THSD7B: variants seen among roughly 807,000 people sequenced by gnomAD.
The protein encoded by THSD7B is thrombospondin type 1 domain containing 7B.
A neutral mutation model predicts 213.6 loss-of-function variants in THSD7B; 138 were observed. The ratio of observed to expected loss-of-function variants is 0.65; its 90% CI spans 0.56 to 0.74. The LOEUF (loss-of-function observed/expected upper bound fraction) is 0.74, where lower values mean the gene tolerates loss of function less well. Ranked by LOEUF, THSD7B falls within the 30% of genes least tolerant of loss-of-function variation. The pLI, the probability that THSD7B is intolerant of heterozygous loss-of-function variation, is 0.00. For missense variants in THSD7B, 1,931 were observed against 1,991.5 expected (o/e 0.97, Z 0.58); for synonymous variants, 742 against 687.0 (o/e 1.08, Z -1.25).
intron 2 of THSD7B, among the ~76,000 whole-genome samples, chr2:137,052,613 C>T (rs2104872912): frequency 6.6e-6 from 1 of 152,048 alleles, no homozygotes; most frequent in Admixed American, 6.5e-5. Flanking sequence ...ATTCTTCTTT[C>T]TTCATGCAAC....
chr2:137,418,347 T>C (rs1686844169), intron 14 of THSD7B, among the ~76,000 whole-genome samples: 2 of 152,304 alleles, frequency 1.3e-5, no homozygotes, highest in African/African-American at 4.8e-5. Context: ...CTCCCGTAGA[T>C]TTTAAAACCT....
At position 136,792,479 on chromosome 2, in the gene THSD7B, A is replaced by G. The variant is rs80134443; in HGVS notation, c.-36+26792A>G. Among the ~76,000 whole-genome samples the G allele has an allele frequency of 4.3e-3, 655 of 152,136 alleles. 2 individuals carry two copies. Among genetic ancestry groups the G allele is most frequent in the Non-Finnish European group, 7.2e-3 (488 of 67,940 alleles). On this transcript the variant is annotated intron_variant, in intron 1 of 27. Transcript: ENST00000409968. ...ACATTTGTCAAAACTCATAAAATGT[A>G]TAACTCCAAGTGTGAACCCTGGTGT...
intron 2 of THSD7B, among the ~76,000 whole-genome samples, chr2:136,942,179 G>A (rs1684839222): frequency 2.0e-5 from 3 of 151,976 alleles, no homozygotes; most frequent in Admixed American, 6.5e-5. Context: ...TTATTTCTGA[G>A]TCCTCTGTTC....
chr2:137,525,217 G>A (rs1225932922), intron 15 of THSD7B, among the ~76,000 whole-genome samples: 1 of 152,130 alleles, frequency 6.6e-6, no homozygotes, highest in East Asian at 1.9e-4. Flanking sequence ...ATCATGGACT[G>A]CTGCAGAAAA....
chr2:137,303,691 T>C (rs1212739597), intron 12 of THSD7B, among the ~76,000 whole-genome samples: 2 of 115,290 alleles, frequency 1.7e-5, no homozygotes, highest in South Asian at 2.8e-4. Context: ...TATTTATATA[T>C]ATTTATATAT....
chr2:137,084,288 G>GA (rs1409227239), intron 3 of THSD7B, among the ~76,000 whole-genome samples: 1 of 152,046 alleles, frequency 6.6e-6, no homozygotes, highest in Non-Finnish European at 1.5e-5. Context: ...AAACTCTCAA[G>GA]AAAAAATATA....
At chr2:136,920,976 GT>G (rs1399878015) in intron 2 of THSD7B, among the ~76,000 whole-genome samples, 1 of 152,098 alleles carries the variant, frequency 6.6e-6, no homozygotes, top group Non-Finnish European at 1.5e-5. Context: ...GCCTGCAGGG[GT>G]TGGGGGCTTC....
chr2:137,182,433 A>G (rs1359272653), intron 7 of THSD7B, among the ~76,000 whole-genome samples: 4 of 151,596 alleles, frequency 2.6e-5, no homozygotes, highest in African/African-American at 9.7e-5. Flanking sequence ...GTGATAGTGT[A>G]TGAAGCTGCC....
intron 2 of THSD7B, among the ~76,000 whole-genome samples, chr2:137,036,327 G>A (rs558466601): frequency 1.1e-4 from 16 of 151,984 alleles, no homozygotes; most frequent in South Asian, 4.2e-4. Flanking sequence ...TAATCTTTTC[G>A]TTACATCTTT....
intron 12 of THSD7B, among the ~76,000 whole-genome samples, chr2:137,331,607 A>G (rs942805362): frequency 3.9e-5 from 6 of 152,148 alleles, no homozygotes; most frequent in South Asian, 4.1e-4. Context: ...CCATGTGCTC[A>G]CACTCCTCAG....
chr2:137,057,806 G>A (rs1687199682), intron 3 of THSD7B, among the ~76,000 whole-genome samples: 1 of 152,158 alleles, frequency 6.6e-6, no homozygotes, highest in Non-Finnish European at 1.5e-5. Flanking sequence ...ACTTGCGCAA[G>A]CAGTAATTAG....
intron 2 of THSD7B, among the ~76,000 whole-genome samples, chr2:136,983,251 T>A (rs1295900293): frequency 6.6e-6 from 1 of 151,968 alleles, no homozygotes; most frequent in Non-Finnish European, 1.5e-5. Context: ...TAAAATCAAC[T>A]GAACTGTAAG....
At chr2:137,263,847 A>G (rs1419570074) in intron 10 of THSD7B, among the ~76,000 whole-genome samples, 1 of 152,184 alleles carries the variant, frequency 6.6e-6, no homozygotes, top group African/African-American at 2.4e-5. Context: ...TAGTTCTACT[A>G]GGGCATTGCA....
At chr2:137,447,366 C>T (rs1183444826) in intron 14 of THSD7B, among the ~76,000 whole-genome samples, 1 of 152,098 alleles carries the variant, frequency 6.6e-6, no homozygotes, top group Non-Finnish European at 1.5e-5. Context: ...TTATCTGAAA[C>T]CTCCTGGAAT....
chr2:137,122,837 T>C (rs1688567335), intron 5 of THSD7B, among the ~76,000 whole-genome samples: 1 of 152,124 alleles, frequency 6.6e-6, no homozygotes, highest in South Asian at 2.1e-4. Context: ...GCCTAGAAAG[T>C]ATCTCTTCTG....
At chr2:137,562,806 C>T (rs1436732006) in intron 15 of THSD7B, among the ~76,000 whole-genome samples, 1 of 152,010 alleles carries the variant, frequency 6.6e-6, no homozygotes, top group Non-Finnish European at 1.5e-5. Flanking sequence ...TCCTTATATT[C>T]AAGAATAATT....
At chr2:137,131,830 C>T (rs569890431) in intron 5 of THSD7B, among the ~76,000 whole-genome samples, 309 of 152,220 alleles carry the variant, frequency 2.0e-3, no homozygotes, top group African/African-American at 6.8e-3. Flanking sequence ...TCCAGCTTTG[C>T]TCTTTTGACT....
Position 137,450,884 on chromosome 2 carries a change from A to C in THSD7B, c.2999A>C (p.Asp1000Ala). The change falls in exon 15 of 28, where the codon GAT becomes GCT. Residue 1000 changes from aspartate (D) to alanine (A), a missense_variant. Physicochemically the swap from Asp to Ala is moderately radical, Grantham distance 126. Transcript: ENST00000409968. Reference protein sequence around the residue: ...QEKCVIPCPFDCKLSDWSSWG... With the variant: ...QEKCVIPCPFACKLSDWSSWG... ...AAATGTGTCATTCCCTGCCCATTTG[A>C]TTGCAAGTTAAGCGATTGGTCTAGT... The C allele has an allele frequency of 6.2e-7, 1 of 1,611,144 alleles. No homozygotes were observed.
intron 15 of THSD7B, among the ~76,000 whole-genome samples, chr2:137,540,449 G>A (rs923980826): frequency 4.6e-5 from 7 of 151,602 alleles, no homozygotes; most frequent in Non-Finnish European, 1.0e-4. Flanking sequence ...TCCAGCTGCA[G>A]GGTACCCTTG....
Sources: allele counts gnomAD v4.1 joint callset (sites outside exome capture counted in the v4.1 genomes callset), GRCh38; gene constraint gnomAD v4.1.1; transcripts MANE v1.5; gene names NCBI Gene and HGNC (gene_info 2026-07-23, HGNC 2026-07-21).